SIM2: variants seen among roughly 807,000 people sequenced by gnomAD.
SIM2 encodes the protein single-minded homolog 2.
SIM2 carries 28 observed loss-of-function variants against 64.8 expected under a neutral mutation model. That is an observed-to-expected ratio of 0.43 (90% CI 0.32 to 0.59). The LOEUF (loss-of-function observed/expected upper bound fraction) is 0.59, where lower values mean the gene tolerates loss of function less well. Ranked by LOEUF, SIM2 falls within the 20% of genes least tolerant of loss-of-function variation. The probability of loss-of-function intolerance (pLI) is 0.07; values close to 1 mark genes in which losing one functional copy is unlikely to be tolerated. For missense variants in SIM2, 847 were observed against 871.4 expected, an observed-to-expected ratio of 0.97 and a Z score of 0.35; for synonymous variants, 408 against 391.1, an observed-to-expected ratio of 1.04 and a Z score of -0.51.
intron 1 of SIM2, among the ~76,000 whole-genome samples, chr21:36,703,874 G>A (rs571222828): frequency 6.6e-6 from 1 of 152,348 alleles, no homozygotes; most frequent in African/African-American, 2.4e-5. Context: ...CAGGACGCAG[G>A]TCGGCCTCTG....
At chr21:36,729,257 C>T (rs1046334210) in intron 6 of SIM2, among the ~76,000 whole-genome samples, 1 of 152,104 alleles carries the variant, frequency 6.6e-6, no homozygotes, top group Non-Finnish European at 1.5e-5. Context: ...TGGGGGAAAA[C>T]AGACGGCTCA....
At position 36,731,518 on chromosome 21, in the gene SIM2, T is replaced by C. The variant is rs565226017; in HGVS notation, c.850+367T>C. On this transcript the variant is annotated intron_variant, in intron 7 of 10. Coordinates refer to ENST00000290399, the MANE Select transcript of SIM2 (RefSeq NM_005069.6). Reference sequence around the variant, plus strand: ...ACTGCTGTCGGGCACTAAGTTTAAGTGACTAAATACATTACCAGCCCAGTG... The same window carrying C: ...ACTGCTGTCGGGCACTAAGTTTAAGCGACTAAATACATTACCAGCCCAGTG... Among the ~76,000 whole-genome samples the C allele has an allele frequency of 2.7e-4, 41 of 152,298 alleles. No homozygotes were observed. The South Asian group carries it at 8.3e-3, about 31-fold the overall frequency.
In SIM2 at chr21:36,745,748, G is replaced by C. The variant is rs773867038; in HGVS notation, c.1576+612G>C. On this transcript the variant is annotated intron_variant, in intron 10 of 10. Transcript: ENST00000290399. This position sits in a 1 kb window ranked among gnomAD's most constrained non-coding sequence, Gnocchi z 4.8. ...CACAGTAGGGACCTGCCCTGTACAT[G>C]CTAGTTCAACAGAAAGGAATGGCCT... is the stretch of plus-strand genomic sequence containing the variant. 3.8e-5 allele frequency: 49 copies of C among 1,300,208 alleles called. 1 individual carries two copies. In the South Asian group the frequency reaches 5.8e-4, roughly 15 times the overall value. 80.5% of individuals were successfully genotyped at this position (1,300,208 alleles called of 1,614,324 possible). A position where few individuals can be genotyped will look rare whatever the true frequency, so the allele number is the denominator to read the frequency against.
chr21:36,723,582 C>G (rs1211684541), intron 5 of SIM2, among the ~76,000 whole-genome samples: 1 of 152,196 alleles, frequency 6.6e-6, no homozygotes, highest in Non-Finnish European at 1.5e-5. Flanking sequence ...TTCCAAGGTC[C>G]AAGGCAGAGC....
intron 1 of SIM2, among the ~76,000 whole-genome samples, chr21:36,705,247 T>C (rs941455590): frequency 2.0e-5 from 3 of 152,210 alleles, no homozygotes; most frequent in African/African-American, 7.2e-5. Context: ...TGTGCTTGCG[T>C]GGAGCAGGGA....
In SIM2 at chr21:36,747,966, C is replaced by A. The variant is rs932956075; in HGVS notation, c.1878C>A (p.Pro626=). ...APAASGLACA[P]GGPEAATGAL... ...CCGCCTCCGGCCTGGCCTGCGCTCC[C>A]GGCGGCCCCGAGGCGGCGACCGGCG... Residue 626 remains proline, a synonymous_variant, in exon 11 of 11, where the codon CCC becomes CCA. Coordinates refer to ENST00000290399, the MANE Select transcript of SIM2 (RefSeq NM_005069.6). This position sits in a 1 kb window ranked among gnomAD's most constrained non-coding sequence, Gnocchi z 4.5. 3.7e-5 allele frequency: 37 copies of A among 1,008,312 alleles called. No homozygotes were observed. In the African/African-American group the frequency reaches 5.9e-4, roughly 16 times the overall value. 62.5% of individuals were successfully genotyped at this position (1,008,312 alleles called of 1,614,324 possible). A position where few individuals can be genotyped will look rare whatever the true frequency, so the allele number is the denominator to read the frequency against.
chr21:36,737,408 T>A (rs750083033), intron 7 of SIM2, among the ~76,000 whole-genome samples: 36 of 152,138 alleles, frequency 2.4e-4, no homozygotes, highest in Non-Finnish European at 4.4e-4. Context: ...TTTGGGAGAC[T>A]TTTTCTTGTA....
intron 3 of SIM2, among the ~76,000 whole-genome samples, chr21:36,715,689 G>T (rs1450018144): frequency 2.6e-5 from 4 of 152,138 alleles, no homozygotes; most frequent in Non-Finnish European, 4.4e-5. Context: ...CCCTAGATCT[G>T]CTATAATTGT....
intron 5 of SIM2, among the ~76,000 whole-genome samples, chr21:36,725,345 TA>T (rs1026008014): frequency 6.6e-6 from 1 of 151,462 alleles, no homozygotes; most frequent in Non-Finnish European, 1.5e-5. Context: ...AGACCTTGTC[TA>T]AAAAAAAATC....
chr21:36,744,723 T>C lies in SIM2; in HGVS notation c.1168-5T>C, dbSNP rs2089206660. 1 of 1,588,254 alleles carries C rather than the reference T, an allele frequency of 6.3e-7. No individual in the cohort carries two copies. Among genetic ancestry groups the C allele is most frequent in the East Asian group, 2.3e-5 (1 of 43,856 alleles). On this transcript the variant is annotated splice_region_variant and splice_polypyrimidine_tract_variant and intron_variant, in intron 9 of 10. Transcript: ENST00000290399. Reference sequence around the variant, plus strand: ...GGCCCTTCATCCATCTTCTTTGCCATGCAGCAATACAGCTCGTTCCAAATG... The same window carrying C: ...GGCCCTTCATCCATCTTCTTTGCCACGCAGCAATACAGCTCGTTCCAAATG...
chr21:36,731,949 C>T (rs1290230758), intron 7 of SIM2, among the ~76,000 whole-genome samples: 1 of 152,126 alleles, frequency 6.6e-6, no homozygotes, highest in African/African-American at 2.4e-5. Context: ...GTGGCATGAA[C>T]TTGGCTCACT....
Position 36,748,777 on chromosome 21 carries a change from CT to C in SIM2, c.*686del, listed in dbSNP as rs2089275151. ...ACAAGCTCTTACTTCCCCCTAACCC[CT>C]ATGAACTCTTGATAACACCAAGAGT... On this transcript the variant is annotated 3_prime_UTR_variant, in exon 11 of 11. Transcript: ENST00000290399. 1 of 152,640 alleles carries C rather than the reference CT, an allele frequency of 6.6e-6. No individual in the cohort carries two copies. Among genetic ancestry groups the C allele is most frequent in the Non-Finnish European group, 1.5e-5 (1 of 68,046 alleles). 9.5% of individuals were successfully genotyped at this position (152,640 alleles called of 1,614,324 possible).
intron 7 of SIM2, among the ~76,000 whole-genome samples, chr21:36,734,489 G>A (rs1204374537): frequency 6.6e-6 from 1 of 152,198 alleles, no homozygotes. Flanking sequence ...GACCTTAGCT[G>A]TGCTAGAGAA....
chr21:36,710,703 C>T (rs1468457321), intron 2 of SIM2: 3 of 152,202 alleles, frequency 2.0e-5, no homozygotes, highest in African/African-American at 7.2e-5. Flanking sequence ...ACTCTCTTGC[C>T]CCAAGTGCCC....
chr21:36,713,183 A>G lies in SIM2; in HGVS notation c.348+561A>G, dbSNP rs116527580. Among the ~76,000 whole-genome samples the G allele has an allele frequency of 5.3e-3, 800 of 152,360 alleles. 4 individuals are homozygous for G. The highest frequency in any genetic ancestry group is 0.018 in the African/African-American group (764 of 41,580). On this transcript the variant is annotated intron_variant, in intron 3 of 10. Coordinates refer to ENST00000290399, the MANE Select transcript of SIM2 (RefSeq NM_005069.6). ...TTTTATATGCTTGTGATAGAAACTC[A>G]TAAAACTCAGTTTACTACTGTTTTG... is the stretch of plus-strand genomic sequence containing the variant.
rs758947964 is a variant in SIM2, at chr21:36,741,875, C to T, written c.998+11C>T. ...CAATTATGTACTCACGTAAGTCACA[C>T]GTATTTGTTTCTCTCCTTGCTCTTT... On this transcript the variant is annotated intron_variant, in intron 8 of 10. Transcript: ENST00000290399. 2.6e-5 allele frequency: 40 copies of T among 1,557,582 alleles called. No homozygotes were observed. The highest frequency in any genetic ancestry group is 1.9e-4 in the East Asian group (8 of 42,686).
chr21:36,744,911 T>C lies in SIM2; in HGVS notation c.1351T>C (p.Ser451Pro), dbSNP rs1416715629. 6.2e-7 allele frequency: 1 copy of C among 1,614,266 alleles called. No homozygotes were observed. The change falls in exon 10 of 11, where the codon TCT becomes CCT. Residue 451 changes from serine to proline, a missense_variant. Coordinates refer to ENST00000290399, the MANE Select transcript of SIM2 (RefSeq NM_005069.6). ...CCATTACGGACACTTCCCTCTGGAC[T>C]CTCACGTCTTCAGCAGCAAAAAGCC... ...SYHYGHFPLD[S>P]HVFSSKKPML...
rs750179033 is a variant in SIM2 at position 36,699,809 on chromosome 21, C to T, written c.63C>T (p.Tyr21=). 8.1e-6 allele frequency: 13 copies of T among 1,612,230 alleles called. No homozygotes were observed. The highest frequency in any genetic ancestry group is 1.7e-5 in the Admixed American group (1 of 59,870). Reference sequence around the variant, plus strand: ...GGGAGAAGGAAAATGGCGAGTTTTACGAGCTTGCCAAGCTGCTCCCGCTGC... The same window carrying T: ...GGGAGAAGGAAAATGGCGAGTTTTATGAGCTTGCCAAGCTGCTCCCGCTGC... ...TRREKENGEF[Y]ELAKLLPLPS... Residue 21 remains tyrosine, a synonymous_variant, in exon 1 of 11, where the codon TAC becomes TAT. Transcript: ENST00000290399. The surrounding 1 kb of genome is among the most constrained non-coding windows in gnomAD (Gnocchi z 5.6).
rs2089187611 is a variant in SIM2 at position 36,743,317 on chromosome 21, G to A, written c.999-70G>A. Reference sequence around the variant, plus strand: ...AGCACTGAGAACGCCCTGCCCAAGGGCTGGGGCCAGGGAAGCTGCTCGGCC... The same window carrying A: ...AGCACTGAGAACGCCCTGCCCAAGGACTGGGGCCAGGGAAGCTGCTCGGCC... On this transcript the variant is annotated intron_variant, in intron 8 of 10. Coordinates refer to ENST00000290399, the MANE Select transcript of SIM2 (RefSeq NM_005069.6). The A allele has an allele frequency of 6.3e-6, 9 of 1,426,342 alleles. No homozygotes were observed. In the East Asian group the frequency reaches 2.1e-4, roughly 33 times the overall value. The allele number at this position is 1,426,342 out of a possible 1,614,324, so 88.4% of individuals were successfully genotyped here. A position where few individuals can be genotyped will look rare whatever the true frequency, so the allele number is the denominator to read the frequency against.
Sources: allele counts gnomAD v4.1 joint callset (sites outside exome capture counted in the v4.1 genomes callset), GRCh38; gene constraint gnomAD v4.1.1; non-coding constraint Gnocchi (gnomAD v3.1); transcripts MANE v1.5; gene names NCBI Gene and HGNC (gene_info 2026-07-23, HGNC 2026-07-21).